RTF1: variants seen among roughly 807,000 people sequenced by gnomAD.
RTF1 encodes RTF1 homolog, Paf1/RNA polymerase II complex component.
In RTF1, 10 loss-of-function variants were observed where a neutral mutation model predicts 95.7. The observed-to-expected ratio is 0.10, with a 90% CI of 0.06 to 0.18. The LOEUF (loss-of-function observed/expected upper bound fraction) is 0.18, where lower values mean the gene tolerates loss of function less well. Among genes scored for constraint, RTF1 ranks in the 10% least tolerant of loss-of-function variants. RTF1 has a pLI of 1.00. For missense variants in RTF1, 458 were observed against 875.6 expected (o/e 0.52, Z 6.02); for synonymous variants, 305 against 311.8 (o/e 0.98, Z 0.23).
At chr15:41,472,202 T>C (rs2050915889) in intron 8 of RTF1, among the ~76,000 whole-genome samples, 1 of 150,106 alleles carries the variant, frequency 6.7e-6, no homozygotes, top group South Asian at 2.1e-4. Context: ...TTTATTTTTA[T>C]TTATTTGTTG....
intron 2 of RTF1, among the ~76,000 whole-genome samples, chr15:41,451,529 T>A (rs2050789585): frequency 6.6e-6 from 1 of 152,192 alleles, no homozygotes; most frequent in African/African-American, 2.4e-5. Flanking sequence ...TATGTCTTGA[T>A]TTCTGGGATT....
chr15:41,472,107 G>A (rs1054395550), intron 8 of RTF1, among the ~76,000 whole-genome samples: 3 of 151,398 alleles, frequency 2.0e-5, no homozygotes, highest in Admixed American at 6.6e-5. Flanking sequence ...CCATGTTGGC[G>A]AGGCTGGTCT....
intron 1 of RTF1, among the ~76,000 whole-genome samples, chr15:41,420,231 G>C (rs183815424): frequency 6.6e-6 from 1 of 152,174 alleles, no homozygotes; most frequent in Admixed American, 6.6e-5. Context: ...CTCCCCTTCA[G>C]CTTCTTATTT....
At position 41,438,537 on chromosome 15, in the gene RTF1, G is replaced by T. The variant is rs536347184; in HGVS notation, c.309+106G>T. 5.4e-5 allele frequency: 35 copies of T among 651,094 alleles called. No individual in the cohort carries two copies. In the South Asian group the frequency reaches 7.1e-4, roughly 13 times the overall value. The allele number at this position is 651,094 out of a possible 1,614,324, so 40.3% of individuals were successfully genotyped here. A position where few individuals can be genotyped will look rare whatever the true frequency, so the allele number is the denominator to read the frequency against. ...CCTTAAATGGAGACTTACAGCCTAA[G>T]ATCTACAAGAATTTATTGGGGAAAG... On this transcript the variant is annotated intron_variant, in intron 2 of 17. Transcript: ENST00000389629.
intron 1 of RTF1, among the ~76,000 whole-genome samples, chr15:41,423,618 C>G (rs753000426): frequency 5.3e-5 from 8 of 152,116 alleles, no homozygotes; most frequent in Non-Finnish European, 8.8e-5. Context: ...ATCCACCCAC[C>G]TCGGCCTCCC....
rs775516044 is a variant in RTF1 at position 41,480,733 on chromosome 15, G to T, written c.*46G>T. The T allele has an allele frequency of 2.2e-6, 3 of 1,352,140 alleles. No individual in the cohort carries two copies. The highest frequency in any genetic ancestry group is 1.4e-5 in the African/African-American group (1 of 69,728). 83.8% of individuals were successfully genotyped at this position (1,352,140 alleles called of 1,614,324 possible). A position where few individuals can be genotyped will look rare whatever the true frequency, so the allele number is the denominator to read the frequency against. On this transcript the variant is annotated 3_prime_UTR_variant, in exon 18 of 18. Transcript: ENST00000389629. ...CTGACCCTGCATGCCCCATCGCAGC[G>T]TCCCACCTTTCCTCCTTTCCTTTGA...
intron 8 of RTF1, among the ~76,000 whole-genome samples, chr15:41,474,294 G>C (rs2050931181): frequency 6.6e-6 from 1 of 152,174 alleles, no homozygotes; most frequent in African/African-American, 2.4e-5. Flanking sequence ...TGACCTACAT[G>C]GTCTTCACAT....
chr15:41,457,174 G>A (rs149949254), intron 3 of RTF1, among the ~76,000 whole-genome samples: 2,109 of 152,330 alleles, frequency 0.014, 61 homozygotes, highest in African/African-American at 0.049. Context: ...GGCCAAGTCA[G>A]GAGGATTGCT....
intron 1 of RTF1, among the ~76,000 whole-genome samples, chr15:41,419,799 A>G (rs779356673): frequency 1.3e-5 from 2 of 152,158 alleles, no homozygotes; most frequent in Non-Finnish European, 2.9e-5. Flanking sequence ...CAAAGTGGGA[A>G]CTGCAGAGAA....
At chr15:41,457,995 C>CT (rs2050827907) in intron 4 of RTF1, 119 bp downstream of exon 4, 2 of 722,768 alleles carry the variant, frequency 2.8e-6, no homozygotes, top group Non-Finnish European at 2.3e-6. Flanking sequence ...TTGGAATTGA[C>CT]TGTTAACATG....
At chr15:41,420,626 C>G (rs1274928185) in intron 1 of RTF1, among the ~76,000 whole-genome samples, 3 of 152,046 alleles carry the variant, frequency 2.0e-5, no homozygotes, top group Non-Finnish European at 4.4e-5. Flanking sequence ...CGTAAGGAGG[C>G]CTTTTGTCCC....
At position 41,417,099 on chromosome 15, in the gene RTF1, G is replaced by A; in HGVS notation, c.-17G>A. The A allele has an allele frequency of 9.7e-6, 12 of 1,232,574 alleles. No individual in the cohort carries two copies. The highest frequency in any genetic ancestry group is 1.2e-5 in the Non-Finnish European group (12 of 985,044). 76.4% of individuals were successfully genotyped at this position (1,232,574 alleles called of 1,614,324 possible). ...GGCGAGCAGGGGGCGGGGCCAGGGG[G>A]GCGGAGCGGAGCGCGCATGCGCGGT... On this transcript the variant is annotated 5_prime_UTR_variant, in exon 1 of 18. Coordinates refer to ENST00000389629, the MANE Select transcript of RTF1 (RefSeq NM_015138.5).
intron 2 of RTF1, among the ~76,000 whole-genome samples, chr15:41,447,183 A>G (rs2050768089): frequency 6.6e-6 from 1 of 152,172 alleles, no homozygotes; most frequent in Non-Finnish European, 1.5e-5. Context: ...CTGGGTTGGA[A>G]TGGTTTCTAT....
Position 41,476,494 on chromosome 15 carries a change from A to C in RTF1, c.1531A>C (p.Met511Leu). The C allele has an allele frequency of 6.2e-7, 1 of 1,613,866 alleles. No homozygotes were observed. Among genetic ancestry groups the C allele is most frequent in the Non-Finnish European group, 8.5e-7 (1 of 1,179,770 alleles). ...CAGAAAAGCTCCACCCAACTACGCTATGAAGAAGACTCAGCTACTGAAGGA... is the reference window on the plus strand; with the variant it reads ...CAGAAAAGCTCCACCCAACTACGCTCTGAAGAAGACTCAGCTACTGAAGGA... ...RFRKAPPNYAMKKTQLLKEKA... is the reference protein window; with the variant it reads ...RFRKAPPNYALKKTQLLKEKA... The change falls in exon 12 of 18, where the codon ATG (methionine) becomes CTG (leucine). Residue 511 changes from methionine to leucine, a missense_variant. Physicochemically the swap from Met to Leu is conservative, Grantham distance 15. This residue lies in a region of RTF1 where 150 missense variants were observed against 275.7 expected (regional missense o/e 0.54). Transcript: ENST00000389629.
chr15:41,465,595 C>T (rs1355636968), intron 5 of RTF1, among the ~76,000 whole-genome samples: 1 of 151,938 alleles, frequency 6.6e-6, no homozygotes, highest in East Asian at 1.9e-4. Context: ...GAGCTGAGAT[C>T]ATGCCATGGC....
At chr15:41,460,323 A>G (rs546869403) in intron 4 of RTF1, among the ~76,000 whole-genome samples, 1 of 151,996 alleles carries the variant, frequency 6.6e-6, no homozygotes, top group Non-Finnish European at 1.5e-5. Flanking sequence ...GGGTTTCACC[A>G]TGTTGGCCAG....
chr15:41,480,548 C>A (rs371659819), intron 17 of RTF1, 33 bp from the exon 18 acceptor site: 2 of 1,506,980 alleles, frequency 1.3e-6, no homozygotes, highest in Non-Finnish European at 1.8e-6. Context: ...CTTTGTGGGA[C>A]CTCAGCTGCC....
At chr15:41,462,006 C>T (rs1223937384) in intron 4 of RTF1, among the ~76,000 whole-genome samples, 3 of 151,250 alleles carry the variant, frequency 2.0e-5, no homozygotes, top group African/African-American at 4.9e-5. Flanking sequence ...TCGTCCACCT[C>T]GGCTTCCCAA....
intron 8 of RTF1, among the ~76,000 whole-genome samples, chr15:41,473,726 C>G (rs2050927613): frequency 6.6e-6 from 1 of 151,636 alleles, no homozygotes; most frequent in South Asian, 2.1e-4. Context: ...CTATGCCCAA[C>G]TAATTTTTTT....
Sources: gnomAD v4.1 joint callset for allele counts (sites outside exome capture counted in the v4.1 genomes callset) on GRCh38, gnomAD v4.1.1 for gene constraint, gnomAD v4.1.1 regional missense constraint, MANE v1.5 for transcripts, NCBI Gene and HGNC (gene_info 2026-07-23, HGNC 2026-07-21) for gene names.